Variants in GORASP2 observed in about 807,000 individuals in gnomAD.
GORASP2 encodes Golgi reassembly-stacking protein 2.
Under a neutral mutation model 45.7 loss-of-function variants are expected in GORASP2, and 22 were observed. The ratio of observed to expected loss-of-function variants is 0.48; its 90% CI spans 0.34 to 0.69. The LOEUF is 0.69. Ranked by LOEUF, GORASP2 falls within the 30% of genes least tolerant of loss-of-function variation. The pLI is 0.01. For missense variants in GORASP2, 491 were observed against 562.7 expected, an observed-to-expected ratio of 0.87 and a Z score of 1.29; for synonymous variants, 221 against 215.6, an observed-to-expected ratio of 1.02 and a Z score of -0.22.
chr2:170,948,303 T>G, intron 1 of GORASP2, 47 bp from the exon 2 acceptor site: 1 of 1,060,998 alleles, frequency 9.4e-7, no homozygotes, highest in Non-Finnish European at 1.5e-6. Flanking sequence ...CTTACAATTT[T>G]CACCTAAGCT....
intron 2 of GORASP2, 170 bp downstream of exon 2, chr2:170,948,600 C>T (rs973509075): frequency 1.0e-5 from 5 of 487,196 alleles, no homozygotes; most frequent in Non-Finnish European, 1.8e-5. Flanking sequence ...TAATATTATA[C>T]CTTATGCTCC....
intron 7 of GORASP2, among the ~76,000 whole-genome samples, chr2:170,961,057 A>T (rs1704547818): frequency 6.6e-6 from 1 of 152,240 alleles, no homozygotes; most frequent in African/African-American, 2.4e-5. Flanking sequence ...TGAGGAACGT[A>T]ACCTCCTCAA....
At chr2:170,963,461 T>TCCC (rs1704615702) in intron 9 of GORASP2, among the ~76,000 whole-genome samples, 1 of 125,360 alleles carries the variant, frequency 8.0e-6, no homozygotes, top group African/African-American at 3.2e-5. Flanking sequence ...CTCCTCCTCC[T>TCCC]CCTCCTCCTC....
At chr2:170,955,296 T>G (rs1434103324) in intron 6 of GORASP2, among the ~76,000 whole-genome samples, 1 of 152,036 alleles carries the variant, frequency 6.6e-6, no homozygotes. Flanking sequence ...GCAGAGTGAA[T>G]AGGTGAAAAG....
rs1047114600 is a variant in GORASP2, at chr2:170,966,300, G to C, written c.*170G>C. On this transcript the variant is annotated 3_prime_UTR_variant, in exon 10 of 10. Coordinates refer to ENST00000234160, the MANE Select transcript of GORASP2 (RefSeq NM_015530.5). ...CGTGGGTTGTATCCTGCCAGGTTGA[G>C]TGGGGCTCACACGCTAGGGTGAGAT... 1.5e-5 allele frequency: 9 copies of C among 619,282 alleles called. No individual in the cohort carries two copies. The highest frequency in any genetic ancestry group is 1.4e-4 in the East Asian group (5 of 36,318). 38.4% of individuals were successfully genotyped at this position (619,282 alleles called of 1,614,324 possible). A position where few individuals can be genotyped will look rare whatever the true frequency, so the allele number is the denominator to read the frequency against.
intron 4 of GORASP2, 84 bp from the exon 5 acceptor site, chr2:170,951,244 C>T (rs189736785): frequency 9.8e-7 from 1 of 1,025,534 alleles, no homozygotes; most frequent in African/African-American, 1.6e-5. Context: ...TTAGATTTCT[C>T]AGGTGATTCT....
At chr2:170,960,459 G>A (rs2105328398) in intron 7 of GORASP2, among the ~76,000 whole-genome samples, 1 of 152,330 alleles carries the variant, frequency 6.6e-6, no homozygotes, top group Non-Finnish European at 1.5e-5. Flanking sequence ...TCCTGGCTTA[G>A]ATTTAGTCAG....
chr2:170,928,855 C>G (rs1324306051), upstream of GORASP2: 1 of 153,232 alleles, frequency 6.5e-6, no homozygotes, highest in Non-Finnish European at 1.5e-5. Context: ...ACCTACACAC[C>G]CGGAGAACAG....
At chr2:170,957,337 C>T (rs1364025497) in intron 7 of GORASP2, among the ~76,000 whole-genome samples, 1 of 152,032 alleles carries the variant, frequency 6.6e-6, no homozygotes, top group Admixed American at 6.6e-5. Flanking sequence ...AGTACAATGG[C>T]ATGGTCTTGG....
intron 6 of GORASP2, among the ~76,000 whole-genome samples, 200 bp downstream of exon 6, chr2:170,954,982 G>T (rs1406708288): frequency 6.6e-6 from 1 of 152,136 alleles, no homozygotes; most frequent in Non-Finnish European, 1.5e-5. Flanking sequence ...AAAAAGGACA[G>T]GGCTAGAGAT....
chr2:170,955,756 C>T (rs2105325140), intron 6 of GORASP2, among the ~76,000 whole-genome samples: 1 of 152,346 alleles, frequency 6.6e-6, no homozygotes, highest in Non-Finnish European at 1.5e-5. Flanking sequence ...AGTTGAACCT[C>T]TTTGGGTAGT....
At chr2:170,930,074 T>A (rs2105307120) in intron 1 of GORASP2, 1 of 230,600 alleles carries the variant, frequency 4.3e-6, no homozygotes, top group East Asian at 1.7e-4. Flanking sequence ...GCTGAGGGTG[T>A]GGTTTAGATT....
chr2:170,933,813 ATGCT>A (rs935030645), intron 1 of GORASP2, among the ~76,000 whole-genome samples: 1 of 152,262 alleles, frequency 6.6e-6, no homozygotes. Flanking sequence ...ATTCTTTCTC[ATGCT>A]TGCTTCTGGG....
intron 1 of GORASP2, chr2:170,929,986 T>TA (rs1703780151): frequency 6.0e-6 from 2 of 333,152 alleles, no homozygotes; most frequent in African/African-American, 4.6e-5. Flanking sequence ...ACCAGACTTT[T>TA]CCTTTCCCGT....
In GORASP2 at chr2:170,929,272, A is replaced by G. The variant is rs1703753106; in HGVS notation, c.-69A>G. ...CGTCCCAAGTGCTACGCGGAGGATTAGAGCAGGCGGTGCGCTGGGGGCGGG... is the reference window on the plus strand; with the variant it reads ...CGTCCCAAGTGCTACGCGGAGGATTGGAGCAGGCGGTGCGCTGGGGGCGGG... On this transcript the variant is annotated 5_prime_UTR_variant, in exon 1 of 10. Transcript: ENST00000234160. 1 of 1,214,412 alleles carries G rather than the reference A, an allele frequency of 8.2e-7. No individual in the cohort carries two copies. Among genetic ancestry groups the G allele is most frequent in the Non-Finnish European group, 1.1e-6 (1 of 939,916 alleles). 75.2% of individuals were successfully genotyped at this position (1,214,412 alleles called of 1,614,324 possible). A position where few individuals can be genotyped will look rare whatever the true frequency, so the allele number is the denominator to read the frequency against.
At chr2:170,963,784 A>C (rs1160065895) in intron 9 of GORASP2, among the ~76,000 whole-genome samples, 1 of 152,060 alleles carries the variant, frequency 6.6e-6, no homozygotes, top group Non-Finnish European at 1.5e-5. Context: ...CTGGGACTAC[A>C]TGCACATACC....
At chr2:170,954,425 G>T (rs1704373731) in intron 5 of GORASP2, 2 of 492,794 alleles carry the variant, frequency 4.1e-6, no homozygotes, top group Non-Finnish European at 7.3e-6. Flanking sequence ...TGGAGGGCAG[G>T]GTGTTGTTTT....
At chr2:170,931,308 C>T (rs905059765) in intron 1 of GORASP2, among the ~76,000 whole-genome samples, 4 of 152,136 alleles carry the variant, frequency 2.6e-5, no homozygotes, top group Non-Finnish European at 5.9e-5. Flanking sequence ...GTCTGCCTTC[C>T]TAAGACCCTC....
At chr2:170,941,000 A>C (rs1017841960) in intron 1 of GORASP2, among the ~76,000 whole-genome samples, 27 of 152,136 alleles carry the variant, frequency 1.8e-4, no homozygotes, top group Non-Finnish European at 3.1e-4. Context: ...TTTTTATGTA[A>C]TAGAGATGCC....
Sources: allele counts gnomAD v4.1 joint callset (sites outside exome capture counted in the v4.1 genomes callset), GRCh38; gene constraint gnomAD v4.1.1; transcripts MANE v1.5; gene names NCBI Gene and HGNC (gene_info 2026-07-23, HGNC 2026-07-21).